CHODL: variants seen among roughly 807,000 people sequenced by gnomAD.
CHODL encodes transmembrane protein MT75.
CHODL carries 29 observed loss-of-function variants against 34.5 expected under a neutral mutation model. That is an observed-to-expected ratio of 0.84 (90% CI 0.63 to 1.15). The LOEUF (loss-of-function observed/expected upper bound fraction) is 1.15, where lower values mean the gene tolerates loss of function less well. Ranked by LOEUF, CHODL falls within the 50% of genes most tolerant of loss-of-function variation. CHODL has a pLI of 0.00. For missense variants in CHODL, 332 were observed against 332.5 expected (o/e 1.00, Z 0.01); for synonymous variants, 125 against 116.1 (o/e 1.08, Z -0.49).
chr21:18,051,385 G>A (rs1299420756), intron 2 of CHODL, among the ~76,000 whole-genome samples: 1 of 151,314 alleles, frequency 6.6e-6, no homozygotes, highest in African/African-American at 2.4e-5. Flanking sequence ...TTTGACTAAA[G>A]GTTAGGTACA....
chr21:17,962,303 G>A (rs197567), intron 1 of CHODL, among the ~76,000 whole-genome samples: 2,047 of 152,220 alleles, frequency 0.013, 43 homozygotes, highest in African/African-American at 0.046. Context: ...TTGATAAATA[G>A]GACCATTCTC....
chr21:18,172,449 A>G (rs553879079), intron 2 of CHODL, among the ~76,000 whole-genome samples: 1 of 152,286 alleles, frequency 6.6e-6, no homozygotes, highest in South Asian at 2.1e-4. Context: ...TAGAGTTCTT[A>G]TATCTAACTT....
At chr21:18,133,088 A>G (rs1185312310) in intron 2 of CHODL, among the ~76,000 whole-genome samples, 1 of 152,108 alleles carries the variant, frequency 6.6e-6, no homozygotes, top group East Asian at 1.9e-4. Context: ...AATAATAAAA[A>G]AAAAGACTTG....
intron 1 of CHODL, among the ~76,000 whole-genome samples, chr21:18,027,104 C>T (rs919031569): frequency 2.9e-5 from 2 of 69,912 alleles, no homozygotes; most frequent in Non-Finnish European, 5.5e-5. Flanking sequence ...TAGTGAGACC[C>T]CTATTACTAT....
intron 1 of CHODL, among the ~76,000 whole-genome samples, chr21:17,990,194 A>C (rs1372768552): frequency 6.6e-6 from 1 of 152,140 alleles, no homozygotes; most frequent in African/African-American, 2.4e-5. Context: ...ATATAAAAAC[A>C]TTATAATATA....
At chr21:18,091,651 G>T (rs974853033) in intron 2 of CHODL, among the ~76,000 whole-genome samples, 7 of 152,104 alleles carry the variant, frequency 4.6e-5, no homozygotes, top group African/African-American at 1.7e-4. Context: ...CTGGGCATTT[G>T]GGTCCTCAAA....
chr21:18,245,330 ACGAG>A lies in CHODL; in HGVS notation c.79+31_79+34del, dbSNP rs1459449143. 5 of 1,498,266 alleles carry A rather than the reference ACGAG, an allele frequency of 3.3e-6. 1 individual carries two copies. The highest frequency in any genetic ancestry group is 2.9e-5 in the African/African-American group (2 of 69,288). 92.8% of individuals were successfully genotyped at this position (1,498,266 alleles called of 1,614,324 possible). ...GAGTCAGGGGCCGTCTCCCCGAAGAACGAGCGGGGAGAGGGGACCACGGGGCGCG... is the reference window on the plus strand; with the variant it reads ...GAGTCAGGGGCCGTCTCCCCGAAGAACGGGGAGAGGGGACCACGGGGCGCG... On this transcript the variant is annotated intron_variant, in intron 1 of 5. Coordinates refer to ENST00000299295, the MANE Select transcript of CHODL (RefSeq NM_024944.3).
At chr21:18,147,309 T>C (rs534885440) in intron 2 of CHODL, among the ~76,000 whole-genome samples, 12 of 152,316 alleles carry the variant, frequency 7.9e-5, no homozygotes, top group African/African-American at 2.4e-4. Context: ...ATTGTGGAAG[T>C]AGCTAGAATC....
chr21:18,019,010 G>A (rs2064102604), intron 1 of CHODL, among the ~76,000 whole-genome samples: 1 of 152,160 alleles, frequency 6.6e-6, no homozygotes, highest in Admixed American at 6.5e-5. Flanking sequence ...TTAAGTTCAT[G>A]ACTTAGAAAA....
chr21:17,972,776 G>A (rs2063626114), intron 1 of CHODL, among the ~76,000 whole-genome samples: 1 of 152,124 alleles, frequency 6.6e-6, no homozygotes, highest in South Asian at 2.1e-4. Context: ...TGTTTTCACA[G>A]AATTAGAAAA....
At chr21:18,141,972 G>A (rs2072809307) in intron 2 of CHODL, among the ~76,000 whole-genome samples, 1 of 152,056 alleles carries the variant, frequency 6.6e-6, no homozygotes, top group African/African-American at 2.4e-5. Context: ...TTTAAATGTT[G>A]AACAGATCAT....
At chr21:18,197,880 C>T (rs551451877) in intron 2 of CHODL, among the ~76,000 whole-genome samples, 20 of 152,272 alleles carry the variant, frequency 1.3e-4, no homozygotes, top group African/African-American at 4.3e-4. Context: ...GTCAACCTTA[C>T]GATTACTCAC....
intron 1 of CHODL, among the ~76,000 whole-genome samples, chr21:17,926,167 T>C (rs993572048): frequency 6.6e-6 from 1 of 152,186 alleles, no homozygotes; most frequent in African/African-American, 2.4e-5. Context: ...GCTTTCATAT[T>C]AGTCCAACTA....
At chr21:17,929,879 C>CT (rs1265125951) in intron 1 of CHODL, among the ~76,000 whole-genome samples, 5 of 151,774 alleles carry the variant, frequency 3.3e-5, no homozygotes, top group South Asian at 2.1e-4. Context: ...ATGTGTATCA[C>CT]GGCTGCTGCT....
At chr21:18,262,257 A>G (rs1009802311) in intron 4 of CHODL, among the ~76,000 whole-genome samples, 1 of 152,206 alleles carries the variant, frequency 6.6e-6, no homozygotes, top group Non-Finnish European at 1.5e-5. Flanking sequence ...ACATGAATAC[A>G]GTCATGTGCC....
intron 2 of CHODL, among the ~76,000 whole-genome samples, chr21:18,142,332 T>C (rs2072813714): frequency 6.6e-6 from 1 of 152,184 alleles, no homozygotes; most frequent in African/African-American, 2.4e-5. Flanking sequence ...CCCATTTAAA[T>C]CCTTGAGCTT....
At chr21:18,082,359 T>G (rs2064953033) in intron 2 of CHODL, among the ~76,000 whole-genome samples, 1 of 152,176 alleles carries the variant, frequency 6.6e-6, no homozygotes, top group Non-Finnish European at 1.5e-5. Context: ...AATTACCCAG[T>G]CTCAGGTAGT....
At chr21:18,172,049 A>G (rs1424518519) in intron 2 of CHODL, among the ~76,000 whole-genome samples, 1 of 152,204 alleles carries the variant, frequency 6.6e-6, no homozygotes, top group African/African-American at 2.4e-5. Flanking sequence ...TGTCTTTCCT[A>G]GGCAGGGGCA....
At chr21:18,219,835 C>G (rs2073865761) in intron 2 of CHODL, among the ~76,000 whole-genome samples, 1 of 151,696 alleles carries the variant, frequency 6.6e-6, no homozygotes, top group South Asian at 2.1e-4. Context: ...TTATTAGTCC[C>G]CTGTCAAATA....
Sources: gnomAD v4.1 joint callset for allele counts (sites outside exome capture counted in the v4.1 genomes callset) on GRCh38, gnomAD v4.1.1 for gene constraint, MANE v1.5 for transcripts, NCBI Gene and HGNC (gene_info 2026-07-23, HGNC 2026-07-21) for gene names.